FGF14: variants seen among roughly 807,000 people sequenced by gnomAD.
FGF14 encodes fibroblast growth factor homologous factor 4.
Under a neutral mutation model 25.5 loss-of-function variants are expected in FGF14, and 5 were observed. That is an observed-to-expected ratio of 0.20 (90% CI 0.10 to 0.41). FGF14 has a LOEUF of 0.41. FGF14 is among the 10% of genes least tolerant of loss of function. FGF14 has a pLI of 1.00. For synonymous variants in FGF14, 138 were observed against 118.3 expected (o/e 1.17, Z -1.08); for missense variants, 222 against 320.1 (o/e 0.69, Z 2.34).
In FGF14 at chr13:101,747,797, C is replaced by A. The variant is rs190641588; in HGVS notation, c.409-20987G>T. Among the ~76,000 whole-genome samples the A allele has an allele frequency of 4.6e-5, 7 of 151,812 alleles. No individual in the cohort carries two copies. The East Asian group carries it at 1.2e-3, about 25-fold the overall frequency. On this transcript the variant is annotated intron_variant, in intron 3 of 4. Transcript: ENST00000376143. ...AACAACATCAGCAACAACAAAACAC[C>A]ACATTAAAAAGTGGGGAAAGGAACA...
intron 1 of FGF14, among the ~76,000 whole-genome samples, chr13:102,137,408 A>G (rs1203264225): frequency 6.6e-6 from 1 of 152,236 alleles, no homozygotes; most frequent in East Asian, 1.9e-4. Context: ...ATAGTTGTCC[A>G]GGCTGTAGAT....
intron 1 of FGF14, among the ~76,000 whole-genome samples, chr13:102,211,322 A>C (rs1352926561): frequency 6.6e-6 from 1 of 152,152 alleles, no homozygotes; most frequent in Non-Finnish European, 1.5e-5. Context: ...CCCCACTCTT[A>C]TCTAAGAAAA....
chr13:102,337,281 T>A (rs934184140), intron 1 of FGF14, among the ~76,000 whole-genome samples: 1 of 152,150 alleles, frequency 6.6e-6, no homozygotes, highest in Admixed American at 6.6e-5. Context: ...TTGGTTCCAA[T>A]CCTTATGGAT....
intron 1 of FGF14, among the ~76,000 whole-genome samples, chr13:102,100,062 C>T (rs2140280864): frequency 6.6e-6 from 1 of 152,214 alleles, no homozygotes; most frequent in South Asian, 2.1e-4. Flanking sequence ...CTAGGTTTTT[C>T]TTATTCCATG....
At chr13:101,806,029 T>A (rs1338067271) in intron 3 of FGF14, among the ~76,000 whole-genome samples, 2 of 151,998 alleles carry the variant, frequency 1.3e-5, no homozygotes, top group African/African-American at 4.8e-5. Flanking sequence ...ATATGGAACA[T>A]ACATATACGT....
At chr13:102,356,930 T>C (rs2057433301) in intron 1 of FGF14, among the ~76,000 whole-genome samples, 2 of 132,512 alleles carry the variant, frequency 1.5e-5, no homozygotes, top group Admixed American at 7.2e-5. Context: ...ATAAAATGCA[T>C]ATATATATAT....
intron 1 of FGF14, among the ~76,000 whole-genome samples, chr13:101,962,399 C>T (rs35159548): frequency 0.1 from 15,919 of 152,078 alleles, 958 homozygotes; most frequent in Admixed American, 0.2. Context: ...GATTTTTGCA[C>T]ATTGATTTTG....
At chr13:102,374,411 G>A (rs2057973852) in intron 1 of FGF14, among the ~76,000 whole-genome samples, 1 of 151,350 alleles carries the variant, frequency 6.6e-6, no homozygotes, top group Non-Finnish European at 1.5e-5. Flanking sequence ...AATTCAATGG[G>A]CACAAATGGT....
intron 3 of FGF14, among the ~76,000 whole-genome samples, chr13:101,811,029 T>TCTGCCCC: frequency 5.0e-5 from 3 of 60,570 alleles, no homozygotes; most frequent in Admixed American, 1.5e-4. Context: ...AACACACATA[T>TCTGCCCC]CCGCCCCCCC....
chr13:102,080,223 A>G (rs561063822), intron 1 of FGF14, among the ~76,000 whole-genome samples: 8 of 152,310 alleles, frequency 5.3e-5, no homozygotes, highest in African/African-American at 1.9e-4. Flanking sequence ...AAGACCAGTT[A>G]GCAAGCTTTT....
intron 1 of FGF14, among the ~76,000 whole-genome samples, chr13:102,033,759 T>C (rs950857166): frequency 6.6e-6 from 1 of 152,162 alleles, no homozygotes; most frequent in Non-Finnish European, 1.5e-5. Context: ...ATATCAATTT[T>C]AAAGATTATT....
chr13:101,747,972 T>C (rs954303513), intron 3 of FGF14, among the ~76,000 whole-genome samples: 1 of 151,734 alleles, frequency 6.6e-6, no homozygotes, highest in Non-Finnish European at 1.5e-5. Context: ...AATGAAGGTG[T>C]CGGAGAGGAT....
At chr13:102,129,078 A>T (rs984645108) in intron 1 of FGF14, among the ~76,000 whole-genome samples, 1 of 152,020 alleles carries the variant, frequency 6.6e-6, no homozygotes, top group African/African-American at 2.4e-5. Flanking sequence ...CAAAATAAAT[A>T]AATTAATTAA....
intron 1 of FGF14, among the ~76,000 whole-genome samples, chr13:102,180,561 C>G (rs1300093448): frequency 6.6e-6 from 1 of 152,176 alleles, no homozygotes; most frequent in Non-Finnish European, 1.5e-5. Flanking sequence ...GATCCTCCTG[C>G]TTAGCCTCCC....
chr13:102,217,545 G>A (rs2050428262), intron 1 of FGF14, among the ~76,000 whole-genome samples: 1 of 152,118 alleles, frequency 6.6e-6, no homozygotes, highest in South Asian at 2.1e-4. Flanking sequence ...GCATTTCAAT[G>A]CTCAAGACAT....
intron 1 of FGF14, among the ~76,000 whole-genome samples, chr13:101,884,436 A>G (rs2045887219): frequency 6.6e-6 from 1 of 152,184 alleles, no homozygotes; most frequent in Non-Finnish European, 1.5e-5. Context: ...AGAAGACAGA[A>G]TTAGGACAAA....
intron 3 of FGF14, among the ~76,000 whole-genome samples, chr13:101,782,347 C>A (rs1324586534): frequency 6.6e-6 from 1 of 152,188 alleles, no homozygotes; most frequent in African/African-American, 2.4e-5. Context: ...TGCATTCACA[C>A]CTCGATTGCT....
intron 1 of FGF14, among the ~76,000 whole-genome samples, chr13:102,301,729 G>T (rs895200156): frequency 6.6e-6 from 1 of 151,494 alleles, no homozygotes; most frequent in Admixed American, 6.6e-5. Context: ...AATCTATGAC[G>T]ACTAACCTCA....
At chr13:101,853,452 T>G (rs1209990797) in intron 3 of FGF14, among the ~76,000 whole-genome samples, 1 of 152,052 alleles carries the variant, frequency 6.6e-6, no homozygotes, top group East Asian at 1.9e-4. Context: ...TTTATTTTTA[T>G]TTTCAATTTT....
Sources: allele counts gnomAD v4.1 joint callset (sites outside exome capture counted in the v4.1 genomes callset), GRCh38; gene constraint gnomAD v4.1.1; transcripts MANE v1.5; gene names NCBI Gene and HGNC (gene_info 2026-07-23, HGNC 2026-07-21).